Variants in CSMD1 observed in about 807,000 individuals in gnomAD.
CSMD1 encodes CUB and Sushi multiple domains 1, also known as CUB and sushi domain-containing protein 1.
CSMD1 carries 213 observed loss-of-function variants against 417.5 expected under a neutral mutation model. That is an observed-to-expected ratio of 0.51 (90% CI 0.46 to 0.57). CSMD1 has a LOEUF of 0.57. Ranked by LOEUF, CSMD1 falls within the 20% of genes least tolerant of loss-of-function variation. The pLI, the probability that CSMD1 is intolerant of heterozygous loss-of-function variation, is 0.00. For missense variants in CSMD1, 6,923 were observed against 4,529.7 expected (o/e 1.53, Z -15.17); for synonymous variants, 2,862 against 1,736.8 (o/e 1.65, Z -16.11).
intron 1 of CSMD1, among the ~76,000 whole-genome samples, chr8:4,901,217 A>G (rs1238028706): frequency 6.6e-6 from 1 of 152,192 alleles, no homozygotes; most frequent in Non-Finnish European, 1.5e-5. Flanking sequence ...TGTAGAAACA[A>G]CTATATTTCA....
intron 3 of CSMD1, among the ~76,000 whole-genome samples, chr8:4,152,079 T>C (rs1796598327): frequency 6.6e-6 from 1 of 152,130 alleles, no homozygotes; most frequent in Non-Finnish European, 1.5e-5. Context: ...TTAAGAACTT[T>C]CCCAAAGTCC....
chr8:4,462,763 A>C (rs1026645835), intron 2 of CSMD1, among the ~76,000 whole-genome samples: 1 of 152,218 alleles, frequency 6.6e-6, no homozygotes, highest in South Asian at 2.1e-4. Context: ...AATGGTGCTC[A>C]GACAACTGAG....
chr8:3,803,341 G>T (rs891270768), intron 5 of CSMD1, among the ~76,000 whole-genome samples: 2 of 152,134 alleles, frequency 1.3e-5, no homozygotes, highest in East Asian at 3.9e-4. Context: ...TACTTCAATA[G>T]ACAAGACAAG....
chr8:4,250,702 G>T (rs972132506), intron 3 of CSMD1, among the ~76,000 whole-genome samples: 1 of 152,020 alleles, frequency 6.6e-6, no homozygotes, highest in Admixed American at 6.6e-5. Flanking sequence ...TGCCTTTTCA[G>T]AAGTCCCTTC....
At chr8:3,337,116 T>C (rs1330898176) in intron 23 of CSMD1, among the ~76,000 whole-genome samples, 3 of 152,036 alleles carry the variant, frequency 2.0e-5, no homozygotes, top group African/African-American at 4.8e-5. Context: ...CCTGGAACCC[T>C]GGGCATGACA....
rs765613056 is a variant in CSMD1, at chr8:2,954,240, T to A, written c.10023A>T (p.Thr3341=). 1 of 1,501,822 alleles carries A rather than the reference T, an allele frequency of 6.7e-7. No homozygotes were observed. Among genetic ancestry groups the A allele is most frequent in the Non-Finnish European group, 9.0e-7 (1 of 1,108,360 alleles). The allele number at this position is 1,501,822 out of a possible 1,614,324, so 93.0% of individuals were successfully genotyped here. A position where few individuals can be genotyped will look rare whatever the true frequency, so the allele number is the denominator to read the frequency against. Residue 3341 remains threonine (T), a synonymous_variant, in exon 65 of 70, where the codon ACA becomes ACT. Transcript: ENST00000635120. ...TATACAAACCTGGAGTTTTAGTAAC[T>A]GTTTCATTAACTTCTCTCACTCCTT... The part of the protein sequence containing the change: ...KSKGVREVNE[T]VTKTPVPSDV...
chr8:3,507,622 C>T (rs948851809), intron 10 of CSMD1, among the ~76,000 whole-genome samples: 25 of 152,320 alleles, frequency 1.6e-4, no homozygotes, highest in African/African-American at 3.8e-4. Flanking sequence ...TTCCCACCAA[C>T]AGTGTAAAAG....
intron 41 of CSMD1, among the ~76,000 whole-genome samples, 194 bp downstream of exon 41, chr8:3,142,271 G>C (rs570343809): frequency 6.6e-6 from 1 of 152,152 alleles, no homozygotes; most frequent in African/African-American, 2.4e-5. Context: ...ACCCACTGGT[G>C]GTTCCGTCTG....
At position 3,165,524 on chromosome 8, in the gene CSMD1, C is replaced by T. The variant is rs929686405; in HGVS notation, c.5726-3247G>A. Among the ~76,000 whole-genome samples the T allele has an allele frequency of 5.3e-5, 8 of 151,998 alleles. 1 individual carries two copies. The highest frequency in any genetic ancestry group is 1.3e-4 in the Admixed American group (2 of 15,252). ...TCAGCTCACTTCAAGCTCCACCTCC[C>T]GGGTTCATGCCATTCTCCTGCCTCA... On this transcript the variant is annotated intron_variant, in intron 37 of 69. Transcript: ENST00000635120.
chr8:4,440,989 T>C (rs1201389531), intron 2 of CSMD1, among the ~76,000 whole-genome samples: 1 of 139,080 alleles, frequency 7.2e-6, no homozygotes, highest in East Asian at 2.0e-4. Context: ...ACAGTGAGAC[T>C]CTATCTCAAA....
chr8:4,352,513 G>A (rs556325113), intron 3 of CSMD1, among the ~76,000 whole-genome samples: 2 of 152,298 alleles, frequency 1.3e-5, no homozygotes, highest in South Asian at 2.1e-4. Context: ...GAAGAAACAT[G>A]AAATTTTCCA....
intron 3 of CSMD1, among the ~76,000 whole-genome samples, chr8:4,204,141 T>A (rs147159443): frequency 6.6e-6 from 1 of 152,052 alleles, no homozygotes; most frequent in Admixed American, 6.6e-5. Context: ...GATCTGTCAG[T>A]TTTCAAGTCC....
chr8:3,642,699 G>T (rs144223541), intron 7 of CSMD1, among the ~76,000 whole-genome samples: 42 of 152,184 alleles, frequency 2.8e-4, no homozygotes, highest in African/African-American at 9.6e-4. Flanking sequence ...TACAAAAGAA[G>T]TATATTTAAC....
intron 3 of CSMD1, among the ~76,000 whole-genome samples, chr8:4,179,857 G>A (rs1478235846): frequency 2.6e-5 from 4 of 152,154 alleles, no homozygotes; most frequent in African/African-American, 9.7e-5. Context: ...TCAGAGAAAT[G>A]CAAACCAAAA....
chr8:4,457,240 AC>A (rs1410319650), intron 2 of CSMD1, among the ~76,000 whole-genome samples: 2 of 152,098 alleles, frequency 1.3e-5, no homozygotes, highest in African/African-American at 4.8e-5. Flanking sequence ...CCCATTCTCA[AC>A]CAAGTGGTTT....
At chr8:3,461,169 C>A (rs575242054) in intron 12 of CSMD1, among the ~76,000 whole-genome samples, 123 of 152,308 alleles carry the variant, frequency 8.1e-4, no homozygotes, top group Non-Finnish European at 1.0e-4. Context: ...CTCATAGCTG[C>A]ACACCTCTCA....
At chr8:3,814,990 A>G (rs1283434985) in intron 5 of CSMD1, among the ~76,000 whole-genome samples, 1 of 152,208 alleles carries the variant, frequency 6.6e-6, no homozygotes, top group African/African-American at 2.4e-5. Flanking sequence ...CATAATAATT[A>G]CTAAATTACA....
chr8:4,718,121 A>T (rs537841050), intron 1 of CSMD1, among the ~76,000 whole-genome samples: 6 of 152,096 alleles, frequency 3.9e-5, no homozygotes. Context: ...TGACAGGCAC[A>T]TGCCACCATG....
intron 26 of CSMD1, among the ~76,000 whole-genome samples, chr8:3,245,878 A>G (rs908908305): frequency 6.6e-6 from 1 of 152,128 alleles, no homozygotes; most frequent in Non-Finnish European, 1.5e-5. Flanking sequence ...TTTCTTTGCA[A>G]TTTCTTAGCA....
Sources: allele counts gnomAD v4.1 joint callset (sites outside exome capture counted in the v4.1 genomes callset), GRCh38; gene constraint gnomAD v4.1.1; transcripts MANE v1.5; gene names NCBI Gene and HGNC (gene_info 2026-07-23, HGNC 2026-07-21).